GLIS1: variants seen among roughly 807,000 people sequenced by gnomAD.
GLIS1 encodes the protein zinc finger protein GLIS1.
A neutral mutation model predicts 63.8 loss-of-function variants in GLIS1; 24 were observed. The observed-to-expected ratio is 0.38, with a 90% CI of 0.27 to 0.53. The LOEUF is 0.53. Among genes scored for constraint, GLIS1 ranks in the 20% least tolerant of loss-of-function variants. GLIS1 has a pLI of 0.85. For synonymous variants in GLIS1, 450 were observed against 482.5 expected, an observed-to-expected ratio of 0.93 and a Z score of 0.88; for missense variants, 1,036 against 1,074.1, an observed-to-expected ratio of 0.96 and a Z score of 0.50.
chr1:53,639,126 T>C lies in GLIS1; in HGVS notation c.260-38848A>G, dbSNP rs940209617. ...AGTCCTTATTCTGACTGAGCCTCAG[T>C]TTCCTCATCTGTAAAATGAGTCAAT... is the stretch of plus-strand genomic sequence containing the variant. On this transcript the variant is annotated intron_variant, in intron 2 of 10. Coordinates refer to ENST00000628545, the MANE Select transcript of GLIS1 (RefSeq NM_001367484.1). The surrounding 1 kb of genome is among the most constrained non-coding windows in gnomAD (Gnocchi z 4.6). Among the ~76,000 whole-genome samples the C allele has an allele frequency of 6.6e-6, 1 of 152,160 alleles. No homozygotes were observed. Among genetic ancestry groups the C allele is most frequent in the Admixed American group, 6.5e-5 (1 of 15,284 alleles).
chr1:53,508,792 C>T (rs564763780), intron 10 of GLIS1, among the ~76,000 whole-genome samples: 52 of 152,292 alleles, frequency 3.4e-4, no homozygotes, highest in Admixed American at 5.2e-4. Flanking sequence ...TGCAGCTATG[C>T]CTGGCACACA....
chr1:53,731,988 G>GGCAC (rs1176062425), intron 2 of GLIS1, among the ~76,000 whole-genome samples: 5 of 152,160 alleles, frequency 3.3e-5, no homozygotes, highest in Non-Finnish European at 7.4e-5. Flanking sequence ...CAAAGCACAG[G>GGCAC]GCACGGCCCA....
At chr1:53,687,907 G>A (rs1024586058) in intron 2 of GLIS1, among the ~76,000 whole-genome samples, 8 of 152,168 alleles carry the variant, frequency 5.3e-5, no homozygotes, top group Non-Finnish European at 8.8e-5. Flanking sequence ...AGCTGGTGGC[G>A]TCCACCACAT....
chr1:53,526,974 C>A lies in GLIS1; in HGVS notation c.1483-2087G>T, dbSNP rs574745401. 2.0e-5 allele frequency among the ~76,000 whole-genome samples: 3 copies of A among 152,226 alleles called. No individual in the cohort carries two copies. The highest frequency in any genetic ancestry group is 4.4e-5 in the Non-Finnish European group (3 of 68,044). ...GGACGCTCCGGGTGAGTCTGCCGTG[C>A]GGAGCCCCTGCCCGTCTGCACTTGG... On this transcript the variant is annotated intron_variant, in intron 5 of 10. Transcript: ENST00000628545. The surrounding 1 kb of genome is among the most constrained non-coding windows in gnomAD (Gnocchi z 4.4).
chr1:53,521,975 G>A (rs1458080610), intron 6 of GLIS1, among the ~76,000 whole-genome samples: 1 of 152,252 alleles, frequency 6.6e-6, no homozygotes, highest in East Asian at 1.9e-4. Flanking sequence ...CACAGCAGCT[G>A]AGAGTCAGCC....
chr1:53,610,243 A>T (rs1645412080), intron 2 of GLIS1, among the ~76,000 whole-genome samples: 1 of 152,144 alleles, frequency 6.6e-6, no homozygotes, highest in Non-Finnish European at 1.5e-5. Context: ...ATTTCTCAAA[A>T]CCAGTGCCAT....
At chr1:53,687,867 C>T (rs772419663) in intron 2 of GLIS1, among the ~76,000 whole-genome samples, 73 of 152,308 alleles carry the variant, frequency 4.8e-4, no homozygotes, top group Non-Finnish European at 7.9e-4. Context: ...AGGTGCTTGA[C>T]CTCCCCGCAT....
intron 2 of GLIS1, among the ~76,000 whole-genome samples, chr1:53,634,683 C>G (rs1384705699): frequency 2.6e-5 from 4 of 152,188 alleles, no homozygotes; most frequent in Non-Finnish European, 5.9e-5. Context: ...TCGGCCCCAC[C>G]GCTATTCCAG....
chr1:53,563,374 C>T (rs557158313), intron 4 of GLIS1, among the ~76,000 whole-genome samples: 13 of 152,174 alleles, frequency 8.5e-5, no homozygotes, highest in Admixed American at 5.9e-4. Context: ...TAGCAAGTAA[C>T]GAGACTGTCC....
At chr1:53,677,904 C>T (rs2100417963) in intron 2 of GLIS1, among the ~76,000 whole-genome samples, 1 of 152,310 alleles carries the variant, frequency 6.6e-6, no homozygotes, top group Admixed American at 6.5e-5. Context: ...CGTACTTTCC[C>T]CTCTGAGCCT....
At chr1:53,521,943 G>C (rs1321315442) in intron 6 of GLIS1, among the ~76,000 whole-genome samples, 1 of 152,360 alleles carries the variant, frequency 6.6e-6, no homozygotes, top group Non-Finnish European at 1.5e-5. Flanking sequence ...CCCAGAGAGG[G>C]TGAGAGCCCT....
intron 2 of GLIS1, among the ~76,000 whole-genome samples, chr1:53,698,819 C>T (rs1646493393): frequency 6.6e-6 from 1 of 152,174 alleles, no homozygotes; most frequent in Non-Finnish European, 1.5e-5. Flanking sequence ...GGTTTACGAG[C>T]CCATTGACCT....
chr1:53,701,998 GAAAAAAAAAA>G lies in GLIS1; in HGVS notation c.259+35798_259+35807del, dbSNP rs919008620. ...ACAGAGCAAGGCTCTACCTAAAAAA[GAAAAAAAAAA>G]AAAAAAAAAAAAAAGAAAGTCCAGC... On this transcript the variant is annotated intron_variant, in intron 2 of 10. Coordinates refer to ENST00000628545, the MANE Select transcript of GLIS1 (RefSeq NM_001367484.1). Among the ~76,000 whole-genome samples the G allele has an allele frequency of 3.7e-3, 207 of 56,304 alleles. 1 individual carries two copies. The highest frequency in any genetic ancestry group is 0.01 in the African/African-American group (183 of 17,806). 36.9% of individuals were successfully genotyped at this position (56,304 alleles called of 152,430 possible).
intron 7 of GLIS1, among the ~76,000 whole-genome samples, chr1:53,515,816 T>TAA (rs58953406): frequency 0.03 from 2,089 of 69,168 alleles, 148 homozygotes; most frequent in African/African-American, 0.11. Context: ...CTATTTTATC[T>TAA]AAAAAAAAAA....
At chr1:53,634,133 A>G (rs1201488623) in intron 2 of GLIS1, among the ~76,000 whole-genome samples, 1 of 152,176 alleles carries the variant, frequency 6.6e-6, no homozygotes, top group Non-Finnish European at 1.5e-5. Flanking sequence ...GGGAGAAGGA[A>G]CGGGTTTGGG....
At chr1:53,672,562 T>G (rs1646163865) in intron 2 of GLIS1, among the ~76,000 whole-genome samples, 1 of 152,208 alleles carries the variant, frequency 6.6e-6, no homozygotes, top group African/African-American at 2.4e-5. Context: ...ATTGGACTAT[T>G]TATTCGGCTG....
intron 9 of GLIS1, 23 bp from the exon 10 acceptor site, chr1:53,509,310 C>T (rs982036881): frequency 4.5e-6 from 7 of 1,545,244 alleles, no homozygotes; most frequent in Non-Finnish European, 6.1e-6. Context: ...GTAGCAGGGG[C>T]CGCGTTCACA....
At chr1:53,696,525 G>A (rs748894469) in intron 2 of GLIS1, among the ~76,000 whole-genome samples, 17 of 152,198 alleles carry the variant, frequency 1.1e-4, no homozygotes, top group Non-Finnish European at 1.6e-4. Flanking sequence ...CACAGGGTGT[G>A]AAAATTAGTC....
chr1:53,730,814 C>T (rs1406656615), intron 2 of GLIS1, among the ~76,000 whole-genome samples: 1 of 152,188 alleles, frequency 6.6e-6, no homozygotes, highest in Non-Finnish European at 1.5e-5. Context: ...CTTTACCTTC[C>T]ATAGGGGGGG....
Sources: allele counts gnomAD v4.1 joint callset (sites outside exome capture counted in the v4.1 genomes callset), GRCh38; gene constraint gnomAD v4.1.1; non-coding constraint Gnocchi (gnomAD v3.1); transcripts MANE v1.5; gene names NCBI Gene and HGNC (gene_info 2026-07-23, HGNC 2026-07-21).